The following MYH15 variants were observed in gnomAD, a reference collection of about 807,000 sequenced individuals.
MYH15 encodes the protein myosin-15.
In MYH15, 227 loss-of-function variants were observed where a neutral mutation model predicts 240.5. The observed-to-expected ratio is 0.94, with a 90% CI of 0.85 to 1.05. The LOEUF is 1.05. Ranked by LOEUF, MYH15 falls within the 50% of genes least tolerant of loss-of-function variation. The pLI is 0.00. For missense variants in MYH15, 2,217 were observed against 2,247.5 expected, an observed-to-expected ratio of 0.99 and a Z score of 0.27; for synonymous variants, 785 against 796.7, an observed-to-expected ratio of 0.99 and a Z score of 0.25.
At position 108,383,613 on chromosome 3, in the gene MYH15, T is replaced by C; in HGVS notation, c.5748A>G (p.Ala1916=). 6.2e-7 allele frequency: 1 copy of C among 1,613,304 alleles called. No individual in the cohort carries two copies. Among genetic ancestry groups the C allele is most frequent in the South Asian group, 1.1e-5 (1 of 90,968 alleles). The change falls in exon 40 of 41, where the codon GCA becomes GCG. Residue 1916 remains alanine, a synonymous_variant. Coordinates refer to ENST00000693548, the MANE Select transcript of MYH15 (RefSeq NM_014981.3). ...GCCATACCTTTTTCCCAAACTCTCT[T>C]GCTTTAATTTTGAGTTTATTGACTT... ...ESQVNKLKIK[A]REFGKKVQEE is the part of the protein sequence containing the mutation.
intron 21 of MYH15, among the ~76,000 whole-genome samples, chr3:108,449,928 A>G (rs1374602470): frequency 6.6e-6 from 1 of 152,120 alleles, no homozygotes; most frequent in African/African-American, 2.4e-5. Context: ...GACATTTCTC[A>G]AAAGACTACA....
At chr3:108,490,576 T>C (rs2083338630) in intron 9 of MYH15, among the ~76,000 whole-genome samples, 1 of 152,168 alleles carries the variant, frequency 6.6e-6, no homozygotes, top group African/African-American at 2.4e-5. Context: ...TACGTTACCC[T>C]CTCTACTCTA....
At chr3:108,507,452 AC>A (rs1433790852) in intron 1 of MYH15, among the ~76,000 whole-genome samples, 2 of 55,548 alleles carry the variant, frequency 3.6e-5, no homozygotes, top group Non-Finnish European at 9.7e-5. Flanking sequence ...GAACTCAGTC[AC>A]CAACCATCAC....
At chr3:108,530,255 G>T (rs1292376614), upstream of MYH15, among the ~76,000 whole-genome samples, 1 of 152,126 alleles carries the variant, frequency 6.6e-6, no homozygotes, top group African/African-American at 2.4e-5. Flanking sequence ...AAAGCTCAAA[G>T]ATATCTATAG....
the MYH15 span, among the ~76,000 whole-genome samples, chr3:108,546,920 T>C: frequency 6.6e-6 from 1 of 152,122 alleles, no homozygotes; most frequent in Non-Finnish European, 1.5e-5. Flanking sequence ...GTGTAAGGTT[T>C]CAAAGTGATT....
upstream of MYH15, among the ~76,000 whole-genome samples, chr3:108,512,239 GA>G (rs561190595): frequency 6.2e-4 from 94 of 152,130 alleles, no homozygotes; most frequent in Non-Finnish European, 1.2e-3. Flanking sequence ...TCTGAATATA[GA>G]AGAACTCAAG....
chr3:108,481,029 G>C (rs898226841), intron 11 of MYH15, among the ~76,000 whole-genome samples: 1 of 152,052 alleles, frequency 6.6e-6, no homozygotes, highest in Non-Finnish European at 1.5e-5. Flanking sequence ...ATGAGCTAAA[G>C]GTAGAAGCAT....
intron 39 of MYH15, 81 bp downstream of exon 39, chr3:108,384,606 G>A: frequency 1.6e-6 from 2 of 1,282,242 alleles, no homozygotes; most frequent in Non-Finnish European, 2.2e-6. Flanking sequence ...CAAGCTGCTT[G>A]CTGAGCTCAG....
chr3:108,421,769 A>C (rs1194384488), intron 27 of MYH15, among the ~76,000 whole-genome samples: 1 of 152,212 alleles, frequency 6.6e-6, no homozygotes, highest in East Asian at 1.9e-4. Context: ...GATGGATCTA[A>C]GCCGCAACAG....
At position 108,500,223 on chromosome 3, in the gene MYH15, C is replaced by G; in HGVS notation, c.391G>C (p.Val131Leu). 1 of 1,614,030 alleles carries G rather than the reference C, an allele frequency of 6.2e-7. No homozygotes were observed. Among genetic ancestry groups the G allele is most frequent in the Non-Finnish European group, 8.5e-7 (1 of 1,179,942 alleles). Residue 131 changes from valine to leucine, a missense_variant, in exon 4 of 41, where the codon GTG becomes CTG. By Grantham distance (32) the Val-to-Leu change is conservative. Transcript: ENST00000693548. ...VTINPYKWLP[V>L]YQKEVMAAYK... The stretch of plus-strand genomic sequence containing the variant: ...GCGGCCATGACTTCTTTCTGATACA[C>G]GGGAAGCCATTTGTAAGGGTTTATG...
intron 21 of MYH15, among the ~76,000 whole-genome samples, chr3:108,445,531 A>G (rs988408443): frequency 9.2e-5 from 14 of 152,154 alleles, no homozygotes; most frequent in Admixed American, 2.6e-4. Context: ...TTTTACTGAT[A>G]ATAAATACCT....
At chr3:108,545,904 C>T in the MYH15 span, among the ~76,000 whole-genome samples, 3 of 152,114 alleles carry the variant, frequency 2.0e-5, no homozygotes, top group African/African-American at 4.8e-5. Context: ...TCTCCTATTA[C>T]TGTATAAATT....
At chr3:108,418,996 G>A (rs979923182) in intron 28 of MYH15, among the ~76,000 whole-genome samples, 1 of 152,018 alleles carries the variant, frequency 6.6e-6, no homozygotes, top group African/African-American at 2.4e-5. Context: ...CAAGTGATCC[G>A]CCTACCTCGG....
chr3:108,456,703 C>CGGAAAGGGAGGAAAACAGAAT, intron 19 of MYH15, 63 bp downstream of exon 19: 1 of 1,231,600 alleles, frequency 8.1e-7, no homozygotes, highest in African/African-American at 1.5e-5. Flanking sequence ...CCTAAACACT[C>CGGAAAGGGAGGAAAACAGAAT]GGAAAGGGAG....
chr3:108,481,849 A>T (rs1489257448), intron 11 of MYH15, among the ~76,000 whole-genome samples: 2 of 152,192 alleles, frequency 1.3e-5, no homozygotes, highest in Non-Finnish European at 2.9e-5. Context: ...AATATCATAG[A>T]GGTTAAGGAA....
intron 37 of MYH15, 67 bp from the exon 38 acceptor site, chr3:108,389,141 C>T (rs2082405650): frequency 7.2e-7 from 1 of 1,395,134 alleles, no homozygotes; most frequent in South Asian, 1.2e-5. Flanking sequence ...TGCTGATTGG[C>T]ACAATCATTT....
chr3:108,513,031 C>G (rs562467355), upstream of MYH15, among the ~76,000 whole-genome samples: 1 of 152,246 alleles, frequency 6.6e-6, no homozygotes, highest in African/African-American at 2.4e-5. Context: ...CCTTTAGGTT[C>G]CAGTTGCACA....
intron 18 of MYH15, among the ~76,000 whole-genome samples, chr3:108,458,073 G>A (rs1241925917): frequency 6.6e-6 from 1 of 152,072 alleles, no homozygotes; most frequent in African/African-American, 2.4e-5. Context: ...AAAAAGGGAG[G>A]GGTACAGGGA....
intron 21 of MYH15, among the ~76,000 whole-genome samples, chr3:108,451,720 T>A (rs1286502720): frequency 1.3e-5 from 2 of 152,016 alleles, no homozygotes; most frequent in Admixed American, 6.6e-5. Context: ...AAAAGAAAAT[T>A]ACAGGCCAAT....
Sources: gnomAD v4.1 joint callset for allele counts (sites outside exome capture counted in the v4.1 genomes callset) on GRCh38, gnomAD v4.1.1 for gene constraint, MANE v1.5 for transcripts, NCBI Gene and HGNC (gene_info 2026-07-23, HGNC 2026-07-21) for gene names.